KCNU1: variants seen among roughly 807,000 people sequenced by gnomAD.
KCNU1 encodes potassium calcium-activated channel subfamily U member 1.
KCNU1 carries 93 observed loss-of-function variants against 126.8 expected under a neutral mutation model. That is an observed-to-expected ratio of 0.73 (90% confidence interval 0.62 to 0.87). The LOEUF (loss-of-function observed/expected upper bound fraction) is 0.87. KCNU1 is among the 40% of genes least tolerant of loss of function. The pLI, the probability that KCNU1 is intolerant of heterozygous loss-of-function variation, is 0.00. For missense variants in KCNU1, 1,330 were observed against 1,367.1 expected, an observed-to-expected ratio of 0.97 and a Z score of 0.43; for synonymous variants, 523 against 494.2, an observed-to-expected ratio of 1.06 and a Z score of -0.77.
intron 19 of KCNU1, among the ~76,000 whole-genome samples, chr8:36,904,959 C>A (rs1807565421): frequency 1.3e-5 from 2 of 152,118 alleles, no homozygotes; most frequent in South Asian, 4.1e-4. Context: ...TGATACAGGT[C>A]TTTCTAATCC....
chr8:36,863,803 G>A (rs1256257006), intron 18 of KCNU1, among the ~76,000 whole-genome samples: 1 of 152,074 alleles, frequency 6.6e-6, no homozygotes, highest in Non-Finnish European at 1.5e-5. Context: ...ATTCTTGCAT[G>A]TATCCTTATA....
rs577972217 is a variant in KCNU1 at position 36,826,363 on chromosome 8, C to A, written c.1107-7191C>A. 3.9e-5 allele frequency among the ~76,000 whole-genome samples: 6 copies of A among 152,158 alleles called. No individual in the cohort carries two copies. In the South Asian group the frequency reaches 6.2e-4, roughly 16 times the overall value. ...TAGCTGGAATTATAAGTGCCCACCA[C>A]CACGCCTGGCTAATTTTTGTATTGT... On this transcript the variant is annotated intron_variant, in intron 10 of 26. Transcript: ENST00000399881.
chr8:36,896,162 T>C (rs926838763), intron 19 of KCNU1, among the ~76,000 whole-genome samples: 14 of 151,994 alleles, frequency 9.2e-5, no homozygotes, highest in African/African-American at 3.4e-4. Context: ...ACTAAACTAT[T>C]ATATTTTAAA....
chr8:36,810,443 A>G (rs546439643), intron 7 of KCNU1, among the ~76,000 whole-genome samples: 1 of 152,306 alleles, frequency 6.6e-6, no homozygotes, highest in South Asian at 2.1e-4. Context: ...GGAAGTAAGC[A>G]CAGAAAAAAG....
At chr8:36,789,574 AG>A (rs1802831500) in intron 2 of KCNU1, among the ~76,000 whole-genome samples, 1 of 152,180 alleles carries the variant, frequency 6.6e-6, no homozygotes, top group East Asian at 1.9e-4. Flanking sequence ...TTCAAGCAAG[AG>A]ACTTGCATTT....
At chr8:36,927,575 C>G (rs1297959643) in intron 24 of KCNU1, among the ~76,000 whole-genome samples, 1 of 152,098 alleles carries the variant, frequency 6.6e-6, no homozygotes, top group Non-Finnish European at 1.5e-5. Context: ...TGCAGTTTTC[C>G]TACCCTATAA....
At chr8:36,814,520 C>T in intron 8 of KCNU1, 143 bp downstream of exon 8, 1 of 632,400 alleles carries the variant, frequency 1.6e-6, no homozygotes. Flanking sequence ...AAAACATGCA[C>T]AGATCCCATG....
chr8:36,905,098 G>A (rs534508910), intron 19 of KCNU1, among the ~76,000 whole-genome samples: 2 of 152,266 alleles, frequency 1.3e-5, no homozygotes, highest in South Asian at 4.1e-4. Context: ...TATGAAACAA[G>A]CTTGTGTCTA....
chr8:36,866,678 A>G (rs77704107), intron 19 of KCNU1, among the ~76,000 whole-genome samples: 2,427 of 152,240 alleles, frequency 0.016, 72 homozygotes, highest in African/African-American at 0.054. Context: ...AGTAGGCACC[A>G]TGCTTGATGC....
rs774413440 is a variant in KCNU1 at position 36,784,618 on chromosome 8, G to GT, written c.195+15dup. On this transcript the variant is annotated intron_variant, in intron 1 of 26. Transcript: ENST00000399881. ...AGGAATTATCTTGGTCAGTTTCCTT[G>GT]TTAGGGATCCCTCTGTGTGAAGTCA... is the stretch of plus-strand genomic sequence containing the variant. 422 of 1,594,256 alleles carry GT rather than the reference G, an allele frequency of 2.6e-4. 5 individuals are homozygous for GT. In the East Asian group the frequency reaches 9.4e-3, roughly 35 times the overall value.
At chr8:36,925,341 C>T (rs1172321198) in intron 24 of KCNU1, among the ~76,000 whole-genome samples, 1 of 152,150 alleles carries the variant, frequency 6.6e-6, no homozygotes, top group Non-Finnish European at 1.5e-5. Flanking sequence ...AATGGAGCAT[C>T]AGGGAAGAAA....
intron 10 of KCNU1, among the ~76,000 whole-genome samples, chr8:36,824,954 A>T (rs1407344992): frequency 6.6e-6 from 1 of 152,194 alleles, no homozygotes; most frequent in African/African-American, 2.4e-5. Flanking sequence ...AAATTTTTGT[A>T]TATGTATCTT....
chr8:36,790,842 T>A (rs1274975746), intron 2 of KCNU1, among the ~76,000 whole-genome samples: 1 of 152,086 alleles, frequency 6.6e-6, no homozygotes, highest in Non-Finnish European at 1.5e-5. Context: ...TCTTTTCCAA[T>A]GAAGACACAG....
At chr8:36,860,475 A>G (rs1805689355) in intron 18 of KCNU1, among the ~76,000 whole-genome samples, 1 of 152,126 alleles carries the variant, frequency 6.6e-6, no homozygotes, top group African/African-American at 2.4e-5. Flanking sequence ...TTCTTAATGG[A>G]ATTAGATAAG....
intron 22 of KCNU1, among the ~76,000 whole-genome samples, chr8:36,917,900 C>A (rs1808179527): frequency 6.6e-6 from 1 of 152,238 alleles, no homozygotes; most frequent in African/African-American, 2.4e-5. Context: ...CCAGCTCAGG[C>A]TTTAAGAAAC....
At chr8:36,853,177 C>A (rs918042057) in intron 18 of KCNU1, among the ~76,000 whole-genome samples, 3 of 152,100 alleles carry the variant, frequency 2.0e-5, no homozygotes, top group African/African-American at 7.2e-5. Context: ...TGGCAAAACT[C>A]CATCTCTACT....
intron 14 of KCNU1, among the ~76,000 whole-genome samples, chr8:36,839,854 C>T (rs1230041019): frequency 6.6e-6 from 1 of 152,146 alleles, no homozygotes; most frequent in African/African-American, 2.4e-5. Flanking sequence ...AACAGCCTTT[C>T]TGTTGGGTTG....
Position 36,909,299 on chromosome 8 carries a change from C to T in KCNU1, c.2107-12C>T. The stretch of plus-strand genomic sequence containing the variant: ...TATGAAAATGACCAGACTGTGGCAT[C>T]CTTATCCTTAGAAACGAACTGGCAA... On this transcript the variant is annotated splice_polypyrimidine_tract_variant and intron_variant, in intron 20 of 26. Transcript: ENST00000399881. The T allele has an allele frequency of 1.9e-6, 3 of 1,575,252 alleles. No homozygotes were observed.
At chr8:36,854,953 G>A (rs1316499344) in intron 18 of KCNU1, among the ~76,000 whole-genome samples, 1 of 152,142 alleles carries the variant, frequency 6.6e-6, no homozygotes, top group African/African-American at 2.4e-5. Flanking sequence ...ATTGGACAAT[G>A]ATTTTTGTTA....
Sources: gnomAD v4.1 joint callset for allele counts (sites outside exome capture counted in the v4.1 genomes callset) on GRCh38, gnomAD v4.1.1 for gene constraint, MANE v1.5 for transcripts, NCBI Gene and HGNC (gene_info 2026-07-23, HGNC 2026-07-21) for gene names.